The following ITPR2 variants were observed in gnomAD, a reference collection of about 807,000 sequenced individuals.
ITPR2 encodes the protein inositol 1,4,5-trisphosphate receptor type 2.
In ITPR2, 207 loss-of-function variants were observed where a neutral mutation model predicts 317.1. That is an observed-to-expected ratio of 0.65 (90% confidence interval 0.58 to 0.73). The LOEUF is 0.73. Ranked by LOEUF, ITPR2 falls within the 30% of genes least tolerant of loss-of-function variation. The probability of loss-of-function intolerance (pLI) is 0.00; values close to 1 mark genes in which losing one functional copy is unlikely to be tolerated. For synonymous variants in ITPR2, 1,156 were observed against 1,149.1 expected, an observed-to-expected ratio of 1.01 and a Z score of -0.12; for missense variants, 2,613 against 3,284.0, an observed-to-expected ratio of 0.80 and a Z score of 4.99.
In ITPR2 at chr12:26,708,747, A is replaced by G. The variant is rs995489995; in HGVS notation, c.951+2426T>C. 7.2e-5 allele frequency among the ~76,000 whole-genome samples: 11 copies of G among 152,304 alleles called. No individual in the cohort carries two copies. In the South Asian group the frequency reaches 2.1e-3, roughly 29 times the overall value. Reference sequence around the variant, plus strand: ...ATTTATTGTATATTTTAAAATAACTAAAAGAGTAGAATTGGAATGTTCCTA... The same window carrying G: ...ATTTATTGTATATTTTAAAATAACTGAAAGAGTAGAATTGGAATGTTCCTA... On this transcript the variant is annotated intron_variant, in intron 9 of 56. Transcript: ENST00000381340.
intron 2 of ITPR2, among the ~76,000 whole-genome samples, chr12:26,763,771 A>G (rs903563324): frequency 2.6e-5 from 4 of 152,078 alleles, no homozygotes; most frequent in African/African-American, 9.7e-5. Context: ...GATTACCTGA[A>G]TGCTAAGACT....
Position 26,705,116 on chromosome 12 carries a change from A to G in ITPR2, c.951+6057T>C, listed in dbSNP as rs3782306. Among the ~76,000 whole-genome samples the G allele has an allele frequency of 4.6e-5, 7 of 152,290 alleles. No homozygotes were observed. The East Asian group carries it at 1.3e-3, about 29-fold the overall frequency. ...CCTCATTTTTAAAAATACATTTTAT[A>G]AAAATCATCTAATAGGGCTCTTAAT... On this transcript the variant is annotated intron_variant, in intron 9 of 56. Coordinates refer to ENST00000381340, the MANE Select transcript of ITPR2 (RefSeq NM_002223.4).
intron 51 of ITPR2, 118 bp from the exon 52 acceptor site, chr12:26,411,530 C>A: frequency 1.5e-6 from 1 of 667,676 alleles, no homozygotes. Flanking sequence ...TAGCTGTGTT[C>A]CTAAAGTCCT....
chr12:26,542,910 C>A (rs946743047), intron 37 of ITPR2, among the ~76,000 whole-genome samples: 3 of 152,102 alleles, frequency 2.0e-5, no homozygotes, highest in African/African-American at 7.2e-5. Context: ...TTTCCACAGG[C>A]GATCCATGAA....
At chr12:26,772,853 A>G (rs1043896105) in intron 2 of ITPR2, among the ~76,000 whole-genome samples, 3 of 151,446 alleles carry the variant, frequency 2.0e-5, no homozygotes, top group African/African-American at 4.9e-5. Flanking sequence ...CATCATCTAC[A>G]TTTTAAGCCC....
chr12:26,475,534 T>A, intron 44 of ITPR2, 116 bp from the exon 45 acceptor site: 1 of 1,059,020 alleles, frequency 9.4e-7, no homozygotes, highest in Non-Finnish European at 1.3e-6. Context: ...AAAAGGACTC[T>A]AAATGAAAAT....
chr12:26,456,071 T>C (rs1249942884), intron 45 of ITPR2, among the ~76,000 whole-genome samples: 1 of 152,158 alleles, frequency 6.6e-6, no homozygotes, highest in Admixed American at 6.5e-5. Context: ...CCAGAGTAAC[T>C]CCATCTTAAA....
At chr12:26,705,578 C>G (rs1375659) in intron 9 of ITPR2, among the ~76,000 whole-genome samples, 2,566 of 152,270 alleles carry the variant, frequency 0.017, 42 homozygotes, top group South Asian at 0.035. Flanking sequence ...AACTTCCAGA[C>G]GTTTTGAAAT....
intron 5 of ITPR2, chr12:26,721,415 G>T (rs1309217694): frequency 1.0e-5 from 5 of 480,474 alleles, no homozygotes; most frequent in South Asian, 3.4e-5. Context: ...CCTAAGACAA[G>T]AAATATCCAA....
Position 26,666,114 on chromosome 12 carries a change from TA to T in ITPR2, c.1410-64del, listed in dbSNP as rs1947621788. ...TGCTTAATTTTGGAAAATGTATAGA[TA>T]GATGATAGGTAGGTAGGTAGAGATA... is the stretch of plus-strand genomic sequence containing the variant. On this transcript the variant is annotated intron_variant, in intron 13 of 56. Transcript: ENST00000381340. The T allele has an allele frequency of 1.0e-5, 10 of 987,662 alleles. No homozygotes were observed. In the South Asian group the frequency reaches 1.3e-4, roughly 13 times the overall value. 61.2% of individuals were successfully genotyped at this position (987,662 alleles called of 1,614,324 possible). A position where few individuals can be genotyped will look rare whatever the true frequency, so the allele number is the denominator to read the frequency against.
chr12:26,484,716 A>AT (rs957680243), intron 41 of ITPR2, among the ~76,000 whole-genome samples: 13 of 150,724 alleles, frequency 8.6e-5, no homozygotes, highest in East Asian at 1.9e-4. Flanking sequence ...ATAAAATACG[A>AT]TTTTTTTTTT....
chr12:26,580,610 C>G (rs1266520978), intron 32 of ITPR2, among the ~76,000 whole-genome samples: 1 of 152,144 alleles, frequency 6.6e-6, no homozygotes, highest in African/African-American at 2.4e-5. Context: ...GACACAAACA[C>G]AGAAAGCATC....
chr12:26,742,201 A>G (rs962371220), intron 2 of ITPR2, among the ~76,000 whole-genome samples: 6 of 152,278 alleles, frequency 3.9e-5, no homozygotes, highest in African/African-American at 1.4e-4. Context: ...AGCATGTCAC[A>G]GGATTCATCA....
At chr12:26,823,729 A>C (rs1950971778) in intron 1 of ITPR2, among the ~76,000 whole-genome samples, 1 of 152,194 alleles carries the variant, frequency 6.6e-6, no homozygotes, top group African/African-American at 2.4e-5. Flanking sequence ...AAATCTTTGG[A>C]TAGGTTGGTA....
chr12:26,809,628 T>C (rs1267433507), intron 1 of ITPR2, among the ~76,000 whole-genome samples: 1 of 152,214 alleles, frequency 6.6e-6, no homozygotes, highest in Non-Finnish European at 1.5e-5. Context: ...TTAAAGATAT[T>C]TTGAGTAAAA....
At chr12:26,674,392 C>T (rs1317213820) in intron 13 of ITPR2, among the ~76,000 whole-genome samples, 1 of 152,136 alleles carries the variant, frequency 6.6e-6, no homozygotes, top group Non-Finnish European at 1.5e-5. Context: ...AATAACACCG[C>T]ATATCTACAA....
Position 26,624,323 on chromosome 12 carries a change from T to C in ITPR2, c.3098A>G (p.Gln1033Arg), listed in dbSNP as rs747479383. 2.3e-5 allele frequency: 37 copies of C among 1,609,438 alleles called. No homozygotes were observed. Among genetic ancestry groups the C allele is most frequent in the Non-Finnish European group, 3.0e-5 (35 of 1,177,076 alleles). Residue 1033 changes from glutamine to arginine, a missense_variant, in exon 24 of 57, where the codon CAG (glutamine) becomes CGG (arginine). Around this residue, in one of 9 missense-constraint regions of ITPR2, gnomAD observed 817 missense variants for 897.6 expected, o/e 0.91. Transcript: ENST00000381340. ...CCTTCCCGCAAACATAGTTTCTGCC[T>C]GAGCTGCAATTTCATCTATATCAGG... ...IVPDIDEIAA[Q>R]AETMFAGRKE...
At chr12:26,770,214 G>A (rs1949815340) in intron 2 of ITPR2, among the ~76,000 whole-genome samples, 1 of 152,112 alleles carries the variant, frequency 6.6e-6, no homozygotes, top group South Asian at 2.1e-4. Flanking sequence ...AATAAATAAG[G>A]TCTTTCTCCA....
At chr12:26,826,939 A>G (rs187906216) in intron 1 of ITPR2, among the ~76,000 whole-genome samples, 45 of 152,334 alleles carry the variant, frequency 3.0e-4, no homozygotes, top group Admixed American at 2.0e-3. Flanking sequence ...AAATGTGAAT[A>G]TCTGTTGTCA....
Sources: gnomAD v4.1 joint callset for allele counts (sites outside exome capture counted in the v4.1 genomes callset) on GRCh38, gnomAD v4.1.1 for gene constraint, gnomAD v4.1.1 regional missense constraint, MANE v1.5 for transcripts, NCBI Gene and HGNC (gene_info 2026-07-23, HGNC 2026-07-21) for gene names.